METTL4: variants seen among roughly 807,000 people sequenced by gnomAD.
The protein encoded by METTL4 is methyltransferase 4, N6-adenosine, also known as N(6)-adenine-specific methyltransferase METTL4.
A neutral mutation model predicts 54.0 loss-of-function variants in METTL4; 40 were observed. The observed-to-expected ratio is 0.74, with a 90% CI of 0.58 to 0.96. The LOEUF is 0.96. Ranked by LOEUF, METTL4 falls within the 50% of genes least tolerant of loss-of-function variation. The probability of loss-of-function intolerance (pLI) is 0.00; values close to 1 mark genes in which losing one functional copy is unlikely to be tolerated. For synonymous variants in METTL4, 169 were observed against 183.8 expected (o/e 0.92, Z 0.65); for missense variants, 525 against 549.0 (o/e 0.96, Z 0.44).
chr18:2,547,665 G>C, intron 5 of METTL4, 136 bp from the exon 6 acceptor site: 1 of 595,398 alleles, frequency 1.7e-6, no homozygotes, highest in Non-Finnish European at 2.7e-6. Context: ...AAAATATAAA[G>C]CCACAGTGAC....
chr18:2,544,349 C>G, intron 7 of METTL4, 63 bp from the exon 8 acceptor site: 1 of 1,177,358 alleles, frequency 8.5e-7, no homozygotes, highest in Non-Finnish European at 1.2e-6. Context: ...ACATAAGCCA[C>G]AGCTGCATTG....
At chr18:2,562,916 A>G (rs2143576059) in intron 3 of METTL4, among the ~76,000 whole-genome samples, 1 of 151,926 alleles carries the variant, frequency 6.6e-6, no homozygotes, top group Non-Finnish European at 1.5e-5. Context: ...TTAAAAATGG[A>G]AAATTTTATG....
intron 6 of METTL4, 61 bp downstream of exon 6, chr18:2,547,294 T>A: frequency 7.3e-7 from 1 of 1,374,916 alleles, no homozygotes. Flanking sequence ...ACAAAGTAGA[T>A]GCTACCTTTA....
Position 2,567,286 on chromosome 18 carries a change from T to C in METTL4, c.-70A>G. Reference sequence around the variant, plus strand: ...AAATCCAACTTTCCAGATCAGCTTCTTAAATATCTTGTATTTCAATAAACA... The same window carrying C: ...AAATCCAACTTTCCAGATCAGCTTCCTAAATATCTTGTATTTCAATAAACA... On this transcript the variant is annotated 5_prime_UTR_variant, in exon 2 of 9. An upstream open reading frame in the 5' UTR loses its in-frame stop. Coordinates refer to ENST00000574538, the MANE Select transcript of METTL4 (RefSeq NM_022840.5). 1.4e-6 allele frequency: 2 copies of C among 1,392,804 alleles called. No individual in the cohort carries two copies. The highest frequency in any genetic ancestry group is 2.0e-6 in the Non-Finnish European group (2 of 1,025,446). 86.3% of individuals were successfully genotyped at this position (1,392,804 alleles called of 1,614,324 possible). A position where few individuals can be genotyped will look rare whatever the true frequency, so the allele number is the denominator to read the frequency against.
chr18:2,566,922 A>T lies in METTL4; in HGVS notation c.295T>A (p.Tyr99Asn). The T allele has an allele frequency of 6.2e-7, 1 of 1,614,116 alleles. No homozygotes were observed. Residue 99 changes from tyrosine to asparagine, a missense_variant, in exon 2 of 9, where the codon TAT becomes AAT. By Grantham distance (143) the Tyr-to-Asn change is moderately radical (BLOSUM62 -2). Coordinates refer to ENST00000574538, the MANE Select transcript of METTL4 (RefSeq NM_022840.5). ...RPELFDVTKP[Y>N]ITPAVHKECQ... Reference sequence around the variant, plus strand: ...TCTTTATGAACAGCTGGAGTTATATAAGGTTTGGTGACATCAAACAGTTCA... The same window carrying T: ...TCTTTATGAACAGCTGGAGTTATATTAGGTTTGGTGACATCAAACAGTTCA...
chr18:2,561,244 G>A (rs1379144562), intron 3 of METTL4: 2 of 152,080 alleles, frequency 1.3e-5, no homozygotes, highest in Admixed American at 1.3e-4. Flanking sequence ...TACAGAATTA[G>A]AGAAGAAATC....
intron 3 of METTL4, among the ~76,000 whole-genome samples, chr18:2,562,384 T>C (rs1425988042): frequency 2.0e-5 from 3 of 151,590 alleles, no homozygotes; most frequent in African/African-American, 7.3e-5. Flanking sequence ...AAAGAAAAAA[T>C]GAAAGTTAAA....
Position 2,563,849 on chromosome 18 carries a change from C to A in METTL4, c.407G>T (p.Arg136Ile). ...TTCACCTTGATTGAAAACAACACATCTTTTACGCTTCTAAAGGGTAGATCA... is the reference window on the plus strand; with the variant it reads ...TTCACCTTGATTGAAAACAACACATATTTTACGCTTCTAAAGGGTAGATCA... ...SISIIGKKRK[R>I]CVVFNQGELD... Residue 136 changes from arginine (R) to isoleucine (I), a missense_variant, in exon 3 of 9, where the codon AGA (arginine) becomes ATA (isoleucine). By Grantham distance (97) the Arg-to-Ile change is moderately conservative. Transcript: ENST00000574538. The A allele has an allele frequency of 6.2e-7, 1 of 1,609,034 alleles. No individual in the cohort carries two copies. Among genetic ancestry groups the A allele is most frequent in the East Asian group, 2.2e-5 (1 of 44,452 alleles).
chr18:2,565,073 A>G (rs1010039024), intron 2 of METTL4, among the ~76,000 whole-genome samples: 2 of 152,266 alleles, frequency 1.3e-5, no homozygotes, highest in East Asian at 3.9e-4. Context: ...GGATCACCTG[A>G]GATCAGGAGT....
chr18:2,566,787 T>C (rs1442613777), intron 2 of METTL4, 34 bp downstream of exon 2: 5 of 1,450,374 alleles, frequency 3.4e-6, no homozygotes, highest in South Asian at 1.4e-5. Context: ...TTATGTTTTC[T>C]GGAGAAAAAT....
In METTL4 at chr18:2,542,052, T is replaced by C. The variant is rs147495573; in HGVS notation, c.1273+2143A>G. ...ACCAAAACATAAGATTTTATATATA[T>C]ATGGAGTTATTCAGATGTTTCCTCC... On this transcript the variant is annotated intron_variant, in intron 8 of 8. Transcript: ENST00000574538. Among the ~76,000 whole-genome samples, 17 of 152,300 alleles carry C rather than the reference T, an allele frequency of 1.1e-4. No individual in the cohort carries two copies. The East Asian group carries it at 3.3e-3, about 29-fold the overall frequency.
At chr18:2,552,250 T>C (rs1276694296) in intron 5 of METTL4, among the ~76,000 whole-genome samples, 1 of 151,114 alleles carries the variant, frequency 6.6e-6, no homozygotes, top group Non-Finnish European at 1.5e-5. Context: ...TTTAATGCTA[T>C]TGAAAGGAAA....
At chr18:2,554,623 A>G (rs1329741139) in intron 4 of METTL4, 46 bp downstream of exon 4, 1 of 1,555,094 alleles carries the variant, frequency 6.4e-7, no homozygotes, top group East Asian at 2.2e-5. Context: ...TTTTCAGCCC[A>G]CGGAAAAATT....
At chr18:2,544,615 A>T in intron 7 of METTL4, 38 bp downstream of exon 7, 1 of 1,232,896 alleles carries the variant, frequency 8.1e-7, no homozygotes, top group African/African-American at 1.5e-5. Flanking sequence ...CGTAAAAATT[A>T]ATACATGTAT....
intron 4 of METTL4, 157 bp from the exon 5 acceptor site, chr18:2,552,921 T>C (rs1230662058): frequency 3.5e-6 from 2 of 568,754 alleles, no homozygotes; most frequent in Non-Finnish European, 6.2e-6. Context: ...AACAGAGTAA[T>C]TTATCATTAA....
chr18:2,555,364 G>A (rs1396071336), intron 3 of METTL4: 1 of 271,134 alleles, frequency 3.7e-6, no homozygotes, highest in African/African-American at 2.3e-5. Context: ...GGGATTGCAT[G>A]AGGAAGTATC....
chr18:2,555,090 A>G, intron 3 of METTL4, 52 bp from the exon 4 acceptor site: 2 of 1,538,960 alleles, frequency 1.3e-6, no homozygotes, highest in Non-Finnish European at 1.8e-6. Context: ...AAAAAAGAAC[A>G]TTGACTGTGC....
At chr18:2,559,613 CTAA>C (rs1269475488) in intron 3 of METTL4, among the ~76,000 whole-genome samples, 1 of 152,114 alleles carries the variant, frequency 6.6e-6, no homozygotes, top group Non-Finnish European at 1.5e-5. Flanking sequence ...CCACAAATTA[CTAA>C]TAAAAGCAAT....
intron 6 of METTL4, among the ~76,000 whole-genome samples, chr18:2,545,255 C>G (rs1370185414): frequency 6.6e-6 from 1 of 152,066 alleles, no homozygotes; most frequent in South Asian, 2.1e-4. Flanking sequence ...AATCTCTACT[C>G]TTAACTAAAA....
Sources: gnomAD v4.1 joint callset for allele counts (sites outside exome capture counted in the v4.1 genomes callset) on GRCh38, gnomAD v4.1.1 for gene constraint, MANE v1.5 for transcripts, NCBI Gene and HGNC (gene_info 2026-07-23, HGNC 2026-07-21) for gene names.